KATNIP: variants seen among roughly 807,000 people sequenced by gnomAD.
KATNIP encodes katanin-interacting protein.
KATNIP carries 126 observed loss-of-function variants against 174.0 expected under a neutral mutation model. The ratio of observed to expected loss-of-function variants is 0.72; its 90% CI spans 0.63 to 0.84. The LOEUF (loss-of-function observed/expected upper bound fraction) is 0.84. Ranked by LOEUF, KATNIP falls within the 40% of genes least tolerant of loss-of-function variation. The probability of loss-of-function intolerance (pLI) is 0.00; values close to 1 mark genes in which losing one functional copy is unlikely to be tolerated. For missense variants in KATNIP, 1,958 were observed against 2,109.7 expected, an observed-to-expected ratio of 0.93 and a Z score of 1.41; for synonymous variants, 810 against 835.7, an observed-to-expected ratio of 0.97 and a Z score of 0.53.
At chr16:27,669,235 C>T (rs2077799525) in intron 6 of KATNIP, 6 of 975,676 alleles carry the variant, frequency 6.1e-6, no homozygotes, top group Non-Finnish European at 7.3e-6. Context: ...CCATCAAACC[C>T]CTGCTGCATT....
chr16:27,665,473 G>A (rs536590246), intron 6 of KATNIP, among the ~76,000 whole-genome samples: 1 of 152,210 alleles, frequency 6.6e-6, no homozygotes, highest in South Asian at 2.1e-4. Flanking sequence ...ATGATTGGAA[G>A]TTGTCTGCAG....
At chr16:27,716,981 A>ACTAC (rs915102207) in intron 13 of KATNIP, among the ~76,000 whole-genome samples, 4 of 151,904 alleles carry the variant, frequency 2.6e-5, no homozygotes, top group African/African-American at 9.7e-5. Flanking sequence ...AGTGGCTGGG[A>ACTAC]CTACGGGCGG....
chr16:27,581,269 G>C (rs2090687792), intron 2 of KATNIP, among the ~76,000 whole-genome samples: 1 of 152,184 alleles, frequency 6.6e-6, no homozygotes, highest in African/African-American at 2.4e-5. Flanking sequence ...ATATTCTGGA[G>C]CAGACATCCC....
chr16:27,678,913 A>G (rs939735227), intron 7 of KATNIP: 1 of 152,440 alleles, frequency 6.6e-6, no homozygotes, highest in African/African-American at 2.4e-5. Flanking sequence ...GGGAGGAGAG[A>G]GAAGGACTTG....
At chr16:27,625,917 A>G (rs944443380) in intron 3 of KATNIP, among the ~76,000 whole-genome samples, 3 of 150,420 alleles carry the variant, frequency 2.0e-5, no homozygotes, top group Non-Finnish European at 3.0e-5. Flanking sequence ...TGGCATGATC[A>G]TGTCTCACTA....
intron 14 of KATNIP, among the ~76,000 whole-genome samples, chr16:27,723,872 AG>A (rs2080338067): frequency 6.6e-6 from 1 of 151,268 alleles, no homozygotes; most frequent in Non-Finnish European, 1.5e-5. Context: ...GCCACCCACC[AG>A]CTGTCCATCC....
intron 2 of KATNIP, among the ~76,000 whole-genome samples, chr16:27,594,221 T>C (rs945865594): frequency 2.6e-4 from 40 of 151,942 alleles, no homozygotes; most frequent in African/African-American, 9.7e-4. Context: ...GTTCATGCCA[T>C]TGCACTCCAG....
chr16:27,701,641 G>A lies in KATNIP; in HGVS notation c.1232G>A (p.Gly411Glu), dbSNP rs201073350. 4 of 1,608,406 alleles carry A rather than the reference G, an allele frequency of 2.5e-6. No individual in the cohort carries two copies. Among genetic ancestry groups the A allele is most frequent in the Non-Finnish European group, 3.4e-6 (4 of 1,177,898 alleles). ...ACTCAGGAGCCGGCCGGGGCAGCAGGAGGAGCCAGGGCCATCAACCAGGCC... is the reference window on the plus strand; with the variant it reads ...ACTCAGGAGCCGGCCGGGGCAGCAGAAGGAGCCAGGGCCATCAACCAGGCC... ...TTTQEPAGAA[G>E]GARAINQAMD... The change falls in exon 11 of 28, where the codon GGA (glycine) becomes GAA (glutamate). Residue 411 changes from glycine (G) to glutamate (E), a missense_variant. Gly to Glu is a moderately conservative substitution (Grantham distance 98). Transcript: ENST00000261588.
At chr16:27,613,792 A>T (rs2142030774) in intron 2 of KATNIP, among the ~76,000 whole-genome samples, 1 of 152,302 alleles carries the variant, frequency 6.6e-6, no homozygotes, top group South Asian at 2.1e-4. Flanking sequence ...AGCTCTCCCG[A>T]GGGCTGAGGC....
chr16:27,671,306 G>A (rs929692239), intron 6 of KATNIP, among the ~76,000 whole-genome samples: 1 of 152,172 alleles, frequency 6.6e-6, no homozygotes, highest in Non-Finnish European at 1.5e-5. Context: ...TTGAGTTCGT[G>A]TTATATGTAC....
chr16:27,642,769 ATT>A (rs143123046), intron 5 of KATNIP, among the ~76,000 whole-genome samples: 68 of 125,580 alleles, frequency 5.4e-4, no homozygotes, highest in East Asian at 1.3e-3. Context: ...TTTTTAAAAA[ATT>A]TTTTTTTTTT....
chr16:27,655,177 G>GATATATATATATAT (rs869205308), intron 6 of KATNIP, among the ~76,000 whole-genome samples: 1 of 38,526 alleles, frequency 2.6e-5, no homozygotes, highest in African/African-American at 6.6e-5. Flanking sequence ...CCCTAGAATG[G>GATATATATATATAT]ATATATATAT....
intron 20 of KATNIP, among the ~76,000 whole-genome samples, chr16:27,768,819 G>A (rs56833099): frequency 0.026 from 4,022 of 152,320 alleles, 167 homozygotes; most frequent in African/African-American, 0.09. Flanking sequence ...TGAGAGCCAG[G>A]TCAGGGACCC....
intron 1 of KATNIP, among the ~76,000 whole-genome samples, chr16:27,570,123 C>T (rs1291784510): frequency 6.6e-6 from 1 of 152,162 alleles, no homozygotes; most frequent in Admixed American, 6.5e-5. Flanking sequence ...AGGTCTCATG[C>T]TTGCTGCTTG....
intron 13 of KATNIP, among the ~76,000 whole-genome samples, chr16:27,717,711 C>G (rs190299043): frequency 1.3e-5 from 2 of 152,304 alleles, no homozygotes; most frequent in East Asian, 3.9e-4. Context: ...GGCATGCTGA[C>G]TGCTTTTCTG....
intron 1 of KATNIP, among the ~76,000 whole-genome samples, chr16:27,565,237 G>A (rs1327280872): frequency 4.0e-5 from 6 of 151,180 alleles, no homozygotes; most frequent in South Asian, 2.1e-4. Flanking sequence ...AGGCCGAGGC[G>A]GGTGGATCAC....
chr16:27,638,066 T>A (rs2076687949), intron 5 of KATNIP, among the ~76,000 whole-genome samples: 1 of 152,128 alleles, frequency 6.6e-6, no homozygotes, highest in East Asian at 1.9e-4. Flanking sequence ...TCCATATTTG[T>A]TAGTTGAAAG....
At chr16:27,684,226 G>A (rs1037967303) in intron 8 of KATNIP, among the ~76,000 whole-genome samples, 18 of 152,134 alleles carry the variant, frequency 1.2e-4, no homozygotes, top group Admixed American at 7.2e-4. Context: ...TTGTACAGAG[G>A]AGATGGAGGC....
At chr16:27,580,113 T>C (rs2141768898) in intron 2 of KATNIP, among the ~76,000 whole-genome samples, 1 of 152,250 alleles carries the variant, frequency 6.6e-6, no homozygotes. Context: ...TGTTGCTATC[T>C]TTTTTGTTTT....
Sources: allele counts gnomAD v4.1 joint callset (sites outside exome capture counted in the v4.1 genomes callset), GRCh38; gene constraint gnomAD v4.1.1; transcripts MANE v1.5; gene names NCBI Gene and HGNC (gene_info 2026-07-23, HGNC 2026-07-21).